Variants in TRPC5 observed in about 807,000 individuals in gnomAD.
TRPC5 encodes the protein transient receptor potential cation channel subfamily C member 5.
TRPC5 carries 9 observed loss-of-function variants against 56.5 expected under a neutral mutation model. The observed-to-expected ratio is 0.16, with a 90% CI of 0.10 to 0.28. TRPC5 has a LOEUF of 0.28. Among genes scored for constraint, TRPC5 ranks in the 10% least tolerant of loss-of-function variants. TRPC5 has a pLI of 1.00. For synonymous variants in TRPC5, 282 were observed against 278.5 expected, an observed-to-expected ratio of 1.01 and a Z score of -0.13; for missense variants, 469 against 748.9, an observed-to-expected ratio of 0.63 and a Z score of 4.36.
intron 5 of TRPC5, among the ~76,000 whole-genome samples, chrX:111,849,862 G>C (rs1355429598): frequency 8.9e-6 from 1 of 111,852 alleles, no homozygotes; most frequent in African/African-American, 3.3e-5. Flanking sequence ...TATCAGATTG[G>C]GAATTAAATT....
intron 2 of TRPC5, among the ~76,000 whole-genome samples, chrX:111,932,983 C>T (rs561859757): frequency 4.5e-5 from 5 of 112,193 alleles, no homozygotes; most frequent in African/African-American, 1.3e-4. Context: ...TTCTGACCAG[C>T]GTGCCATCTT....
chrX:111,884,600 C>T (rs1473257070), intron 3 of TRPC5, among the ~76,000 whole-genome samples: 2 of 112,585 alleles, frequency 1.8e-5, no homozygotes, highest in African/African-American at 6.4e-5. Flanking sequence ...AAGGTCTAGT[C>T]ATAACCTAAG....
intron 7 of TRPC5, among the ~76,000 whole-genome samples, chrX:111,782,806 AACAC>A (rs1186498788): frequency 2.3e-3 from 212 of 92,122 alleles, no homozygotes; most frequent in African/African-American, 7.1e-3. Context: ...CATTATAATC[AACAC>A]ACACACACAC....
Position 111,936,074 on chromosome X carries a change from C to A in TRPC5, c.378+15969G>T, listed in dbSNP as rs758112408. ...TATGTACATTTTAGCAATATTGATT[C>A]TTCTAATCCATGAACATGGAGTATA... is the stretch of plus-strand genomic sequence containing the variant. On this transcript the variant is annotated intron_variant, in intron 2 of 10. Transcript: ENST00000262839. Among the ~76,000 whole-genome samples, 35 of 112,039 alleles carry A rather than the reference C, an allele frequency of 3.1e-4. 1 individual carries two copies. Among genetic ancestry groups the A allele is most frequent in the African/African-American group, 1.1e-3 (34 of 30,918 alleles).
At chrX:112,009,353 G>T (rs1569529471) in intron 1 of TRPC5, among the ~76,000 whole-genome samples, 2 of 111,457 alleles carry the variant, frequency 1.8e-5, no homozygotes, top group African/African-American at 6.5e-5. Context: ...CCCTTAGGCT[G>T]CTTCGGGTAT....
At chrX:111,808,535 C>A (rs1348866889) in intron 7 of TRPC5, among the ~76,000 whole-genome samples, 1 of 110,948 alleles carries the variant, frequency 9.0e-6, no homozygotes, top group African/African-American at 3.3e-5. Flanking sequence ...ACTATCCCTT[C>A]AGGGCAGTGG....
rs373317704 is a variant in TRPC5, at chrX:112,033,095, C to A, written c.-22+48784G>T. ...GGACATGGATGAAGCTGGAAACCATCATTCTCAGCAAACTATTGCAAGGAC... is the reference window on the plus strand; with the variant it reads ...GGACATGGATGAAGCTGGAAACCATAATTCTCAGCAAACTATTGCAAGGAC... On this transcript the variant is annotated intron_variant, in intron 1 of 10. Transcript: ENST00000262839. 5.8e-4 allele frequency among the ~76,000 whole-genome samples: 62 copies of A among 107,578 alleles called. No individual in the cohort carries two copies. In the South Asian group the frequency reaches 0.026, roughly 45 times the overall value. 93.4% of individuals were successfully genotyped at this position (107,578 alleles called of 115,157 possible). A position where few individuals can be genotyped will look rare whatever the true frequency, so the allele number is the denominator to read the frequency against.
chrX:112,000,353 T>C (rs949996577), intron 1 of TRPC5, among the ~76,000 whole-genome samples: 3 of 112,098 alleles, frequency 2.7e-5, no homozygotes, highest in African/African-American at 9.7e-5. Flanking sequence ...TTGAATGAGA[T>C]GGTACCAAAG....
chrX:112,066,352 C>G (rs1199460717), intron 1 of TRPC5, among the ~76,000 whole-genome samples: 1 of 111,407 alleles, frequency 9.0e-6, no homozygotes, highest in Non-Finnish European at 1.9e-5. Flanking sequence ...TCATTCAGCC[C>G]CTGTGTTAGG....
intron 2 of TRPC5, among the ~76,000 whole-genome samples, chrX:111,914,804 A>G (rs1184451918): frequency 1.8e-5 from 2 of 111,856 alleles, no homozygotes; most frequent in Non-Finnish European, 3.8e-5. Context: ...CTGGAAATGA[A>G]CATAAACACT....
Position 111,952,121 on chromosome X carries a change from C to T in TRPC5, c.300G>A (p.Leu100=). The change falls in exon 2 of 11, where the codon TTG becomes TTA. Residue 100 remains leucine (L), a synonymous_variant. Coordinates refer to ENST00000262839, the MANE Select transcript of TRPC5 (RefSeq NM_012471.3). ...CCACTTCCTTGCGTATGGCATAGAG[C>T]AATGCATCACCCACATACACGCTGT... The part of the protein sequence containing the change: ...LNHSVYVGDA[L]LYAIRKEVVG... The T allele has an allele frequency of 2.5e-6, 3 of 1,212,354 alleles. No homozygotes were observed. The highest frequency in any genetic ancestry group is 3.3e-6 in the Non-Finnish European group (3 of 895,666).
At chrX:112,080,796 T>C (rs760381991) in intron 1 of TRPC5, among the ~76,000 whole-genome samples, 18 of 111,919 alleles carry the variant, frequency 1.6e-4, no homozygotes, top group African/African-American at 5.5e-4. Context: ...ACACCAACAA[T>C]AGACAATTAT....
chrX:112,078,689 C>A (rs995822069), intron 1 of TRPC5, among the ~76,000 whole-genome samples: 2 of 112,313 alleles, frequency 1.8e-5, no homozygotes, highest in Admixed American at 1.9e-4. Context: ...CTTCACCCAG[C>A]AAATTGCAAT....
intron 3 of TRPC5, among the ~76,000 whole-genome samples, chrX:111,866,740 T>G (rs866130269): frequency 4.5e-5 from 5 of 112,167 alleles, no homozygotes; most frequent in Admixed American, 1.9e-4. Context: ...AGTTCTGAAT[T>G]TTTTCATTCA....
intron 1 of TRPC5, among the ~76,000 whole-genome samples, chrX:112,011,737 G>A (rs778077643): frequency 3.0e-4 from 33 of 111,147 alleles, no homozygotes; most frequent in African/African-American, 1.1e-3. Flanking sequence ...CATTCACTAA[G>A]CCAAAATAGA....
At chrX:111,913,600 G>A (rs1464305088) in intron 2 of TRPC5, among the ~76,000 whole-genome samples, 1 of 111,231 alleles carries the variant, frequency 9.0e-6, no homozygotes, top group Non-Finnish European at 1.9e-5. Flanking sequence ...GGCTTCTTTG[G>A]GTATTCAGGA....
chrX:112,007,970 G>A (rs1257131195), intron 1 of TRPC5, among the ~76,000 whole-genome samples: 1 of 111,633 alleles, frequency 9.0e-6, no homozygotes, highest in Middle Eastern at 4.2e-3. Context: ...CATAGCCACC[G>A]TACATCCTGC....
intron 7 of TRPC5, among the ~76,000 whole-genome samples, chrX:111,809,554 C>T (rs1333726623): frequency 8.9e-6 from 1 of 111,880 alleles, no homozygotes; most frequent in Non-Finnish European, 1.9e-5. Flanking sequence ...AGGATGGTGT[C>T]GGGAATGCGT....
At chrX:111,854,549 A>G (rs1464423965) in intron 3 of TRPC5, among the ~76,000 whole-genome samples, 1 of 110,618 alleles carries the variant, frequency 9.0e-6, no homozygotes, top group Non-Finnish European at 1.9e-5. Flanking sequence ...TGTTTTACAA[A>G]CTCTCCTGGG....
Sources: allele counts gnomAD v4.1 joint callset (sites outside exome capture counted in the v4.1 genomes callset), GRCh38; gene constraint gnomAD v4.1.1; transcripts MANE v1.5; gene names NCBI Gene and HGNC (gene_info 2026-07-23, HGNC 2026-07-21).